The following NRXN3 variants were observed in gnomAD, a reference collection of about 807,000 sequenced individuals.
NRXN3 encodes neurexin 3, also known as neurexin III.
Under a neutral mutation model 137.6 loss-of-function variants are expected in NRXN3, and 32 were observed. The ratio of observed to expected loss-of-function variants is 0.23; its 90% CI spans 0.18 to 0.31. The LOEUF (loss-of-function observed/expected upper bound fraction) is 0.31, where lower values mean the gene tolerates loss of function less well. Among genes scored for constraint, NRXN3 ranks in the 10% least tolerant of loss-of-function variants. The probability of loss-of-function intolerance (pLI) is 1.00; values close to 1 mark genes in which losing one functional copy is unlikely to be tolerated. For missense variants in NRXN3, 1,574 were observed against 2,062.5 expected (o/e 0.76, Z 4.59); for synonymous variants, 798 against 784.5 (o/e 1.02, Z -0.29).
At chr14:78,325,874 A>T (rs2080016019) in intron 4 of NRXN3, among the ~76,000 whole-genome samples, 1 of 152,182 alleles carries the variant, frequency 6.6e-6, no homozygotes, top group Non-Finnish European at 1.5e-5. Context: ...GCTTTGTATT[A>T]TTCAAGTTGT....
At chr14:78,472,535 A>G (rs1243690177) in intron 4 of NRXN3, among the ~76,000 whole-genome samples, 1 of 152,278 alleles carries the variant, frequency 6.6e-6, no homozygotes, top group African/African-American at 2.4e-5. Context: ...CCCAAAGAAT[A>G]TATTTTTCTC....
intron 4 of NRXN3, among the ~76,000 whole-genome samples, chr14:78,378,638 A>C (rs1275445172): frequency 6.6e-6 from 1 of 152,196 alleles, no homozygotes; most frequent in Non-Finnish European, 1.5e-5. Context: ...CAATAATCAA[A>C]CTCACATCTT....
chr14:78,508,915 G>A (rs2153787078), intron 4 of NRXN3, among the ~76,000 whole-genome samples: 1 of 152,252 alleles, frequency 6.6e-6, no homozygotes, highest in Non-Finnish European at 1.5e-5. Context: ...GATTCATAGA[G>A]CATGAGCAAT....
chr14:78,816,106 A>G (rs2098932093), intron 10 of NRXN3, among the ~76,000 whole-genome samples: 1 of 152,190 alleles, frequency 6.6e-6, no homozygotes, highest in Admixed American at 6.5e-5. Context: ...TATCGTATCA[A>G]TAACAGCCAG....
intron 4 of NRXN3, among the ~76,000 whole-genome samples, chr14:78,628,838 C>T (rs559805592): frequency 3.0e-4 from 46 of 152,330 alleles, no homozygotes; most frequent in African/African-American, 1.1e-3. Context: ...AATTGCTTAG[C>T]TTCTGCTCTC....
intron 16 of NRXN3, among the ~76,000 whole-genome samples, chr14:79,510,399 C>T (rs10150805): frequency 0.42 from 64,156 of 151,782 alleles, 13,829 homozygotes; most frequent in African/African-American, 0.52. Flanking sequence ...TAGAGGATGA[C>T]ATAGAAAATT....
At chr14:78,494,331 C>T (rs1285892137) in intron 4 of NRXN3, among the ~76,000 whole-genome samples, 1 of 151,814 alleles carries the variant, frequency 6.6e-6, no homozygotes, top group Non-Finnish European at 1.5e-5. Context: ...ATGTTCAAGT[C>T]CTAATCACTT....
chr14:79,697,832 A>G lies in NRXN3; in HGVS notation c.3909A>G (p.Thr1303=), dbSNP rs1234162183. The G allele has an allele frequency of 3.1e-6, 5 of 1,613,186 alleles. No individual in the cohort carries two copies. The African/African-American group carries it at 4.0e-5, about 13-fold the overall frequency. Residue 1303 remains threonine (T), a synonymous_variant, in exon 19 of 21, where the codon ACA becomes ACG. Transcript: ENST00000335750. Reference sequence around the variant, plus strand: ...AAGTCCCATCAATTTTGGGAACAACACAGACGACCTCCATGCCACCAGAAA... The same window carrying G: ...AAGTCCCATCAATTTTGGGAACAACGCAGACGACCTCCATGCCACCAGAAA... ...VGEVPSILGT[T]QTTSMPPEMS...
chr14:79,474,053 GTT>G (rs1346055723), intron 16 of NRXN3, among the ~76,000 whole-genome samples: 1 of 152,102 alleles, frequency 6.6e-6, no homozygotes, highest in African/African-American at 2.4e-5. Flanking sequence ...TCCACACATG[GTT>G]TTGAGAGGCA....
At chr14:78,867,798 T>C (rs532900556) in intron 10 of NRXN3, among the ~76,000 whole-genome samples, 1 of 152,184 alleles carries the variant, frequency 6.6e-6, no homozygotes, top group South Asian at 2.1e-4. Flanking sequence ...TGCACGACTG[T>C]CCACTCTTTA....
intron 16 of NRXN3, among the ~76,000 whole-genome samples, chr14:79,658,947 A>G (rs940119565): frequency 6.6e-6 from 1 of 152,210 alleles, no homozygotes; most frequent in African/African-American, 2.4e-5. Context: ...GAACGAAGAG[A>G]TAGCCTTCAG....
chr14:79,621,917 G>T (rs1228051670), intron 16 of NRXN3, among the ~76,000 whole-genome samples: 1 of 152,134 alleles, frequency 6.6e-6, no homozygotes, highest in Admixed American at 6.5e-5. Context: ...CCAGCAGCAT[G>T]GAGATCCCTT....
At chr14:79,823,904 C>T (rs2099280434) in intron 20 of NRXN3, 1 of 450,872 alleles carries the variant, frequency 2.2e-6, no homozygotes, top group South Asian at 1.6e-5. Context: ...CATCAAGTGA[C>T]AAATTGTCCA....
intron 15 of NRXN3, among the ~76,000 whole-genome samples, chr14:79,132,835 G>C (rs146966008): frequency 6.6e-6 from 1 of 152,224 alleles, no homozygotes; most frequent in Admixed American, 6.5e-5. Flanking sequence ...GTTGAGCTGC[G>C]ATGCAGGCCC....
At chr14:78,469,589 G>A (rs2095214129) in intron 4 of NRXN3, among the ~76,000 whole-genome samples, 1 of 152,182 alleles carries the variant, frequency 6.6e-6, no homozygotes, top group Non-Finnish European at 1.5e-5. Context: ...GTCAGAAGGT[G>A]AATTCTATAC....
chr14:79,695,884 C>T (rs1020379747), intron 18 of NRXN3, among the ~76,000 whole-genome samples: 1 of 151,878 alleles, frequency 6.6e-6, no homozygotes, highest in African/African-American at 2.4e-5. Flanking sequence ...TCATTAAGGC[C>T]AGCAGATCCC....
chr14:78,982,439 A>G (rs959469600), intron 14 of NRXN3, among the ~76,000 whole-genome samples: 2 of 152,152 alleles, frequency 1.3e-5, no homozygotes, highest in African/African-American at 4.8e-5. Flanking sequence ...CTGACAAAAA[A>G]CGGATGCACT....
intron 15 of NRXN3, among the ~76,000 whole-genome samples, chr14:79,211,036 C>A (rs933623962): frequency 6.6e-5 from 10 of 152,230 alleles, no homozygotes; most frequent in Admixed American, 5.2e-4. Context: ...TCGCTACTCT[C>A]CTTCAAAATA....
At chr14:78,986,998 A>G (rs996329776) in intron 14 of NRXN3, among the ~76,000 whole-genome samples, 1 of 142,622 alleles carries the variant, frequency 7.0e-6, no homozygotes, top group Admixed American at 7.0e-5. Flanking sequence ...ACTCCAGTCT[A>G]GCAACAGAGC....
Sources: allele counts gnomAD v4.1 joint callset (sites outside exome capture counted in the v4.1 genomes callset), GRCh38; gene constraint gnomAD v4.1.1; transcripts MANE v1.5; gene names NCBI Gene and HGNC (gene_info 2026-07-23, HGNC 2026-07-21).